Variants in TTC17 observed in about 807,000 individuals in gnomAD.
TTC17 encodes the protein tetratricopeptide repeat domain 17, also known as tetratricopeptide repeat protein 17.
Under a neutral mutation model 143.8 loss-of-function variants are expected in TTC17, and 58 were observed. That is an observed-to-expected ratio of 0.40 (90% CI 0.33 to 0.50). TTC17 has a LOEUF of 0.50. Among genes scored for constraint, TTC17 ranks in the 20% least tolerant of loss-of-function variants. The pLI is 0.49. For synonymous variants in TTC17, 501 were observed against 497.8 expected (o/e 1.01, Z -0.09); for missense variants, 1,273 against 1,392.5 (o/e 0.91, Z 1.37).
At chr11:43,464,047 G>A (rs1017214234) in intron 21 of TTC17, among the ~76,000 whole-genome samples, 6 of 152,104 alleles carry the variant, frequency 3.9e-5, no homozygotes, top group South Asian at 2.1e-4. Context: ...AGGCTGAGGC[G>A]GGTGGATCAC....
chr11:43,370,158 C>T (rs746796640), intron 1 of TTC17: 1 of 446,450 alleles, frequency 2.2e-6, no homozygotes, highest in Admixed American at 2.5e-5. Context: ...CTTCTCTAAA[C>T]CTCAAAGAAG....
chr11:43,407,095 C>A, intron 13 of TTC17, 43 bp from the exon 14 acceptor site: 1 of 1,367,340 alleles, frequency 7.3e-7, no homozygotes, highest in Non-Finnish European at 1.0e-6. Context: ...AAATGTCTTC[C>A]CTGTTATTTT....
chr11:43,427,371 A>G (rs1159384554), intron 16 of TTC17, among the ~76,000 whole-genome samples: 1 of 152,194 alleles, frequency 6.6e-6, no homozygotes, highest in Non-Finnish European at 1.5e-5. Flanking sequence ...TGAATCAGAA[A>G]GATATGTTGT....
intron 21 of TTC17, among the ~76,000 whole-genome samples, chr11:43,482,490 C>G (rs75067522): frequency 0.051 from 7,690 of 151,804 alleles, 389 homozygotes; most frequent in East Asian, 0.28. Context: ...TGGGTGTTTT[C>G]TAGATATCTT....
chr11:43,446,551 G>A (rs1947546743), intron 18 of TTC17: 1 of 642,808 alleles, frequency 1.6e-6, no homozygotes, highest in Non-Finnish European at 1.9e-6. Flanking sequence ...AAGATTTTTT[G>A]TGAAAATTAT....
intron 2 of TTC17, among the ~76,000 whole-genome samples, chr11:43,382,332 G>C (rs1291567177): frequency 6.6e-6 from 1 of 152,136 alleles, no homozygotes; most frequent in African/African-American, 2.4e-5. Flanking sequence ...TTCATAGAAT[G>C]TCTAATGATA....
intron 21 of TTC17, among the ~76,000 whole-genome samples, chr11:43,463,182 G>A (rs897420171): frequency 6.6e-6 from 1 of 152,050 alleles, no homozygotes; most frequent in South Asian, 2.1e-4. Flanking sequence ...ACAAATTGCT[G>A]GGATTACAGC....
At chr11:43,398,138 C>A in intron 8 of TTC17, 25 bp downstream of exon 8, 1 of 1,612,766 alleles carries the variant, frequency 6.2e-7, no homozygotes, top group South Asian at 1.1e-5. Context: ...AAATTTCACT[C>A]AAGCATTAGC....
rs146742671 is a variant in TTC17, at chr11:43,399,966, A to G, written c.1137A>G (p.Leu379=). The change falls in exon 9 of 24, where the codon CTA becomes CTG. Residue 379 remains leucine (L), a synonymous_variant. Coordinates refer to ENST00000039989, the MANE Select transcript of TTC17 (RefSeq NM_018259.6). The part of the protein sequence containing the change: ...HDHYLRQQEI[L]EKHKLIQEEQ... ...ACTACCTGAGACAGCAGGAAATCCT[A>G]GAAAAACATAAACTGATTCAGGAGG... The G allele has an allele frequency of 2.1e-4, 340 of 1,614,062 alleles. 1 individual carries two copies. In the African/African-American group the frequency reaches 3.2e-3, roughly 15 times the overall value.
chr11:43,457,160 A>G (rs1172621162), intron 21 of TTC17, among the ~76,000 whole-genome samples: 3 of 152,092 alleles, frequency 2.0e-5, no homozygotes, highest in African/African-American at 7.2e-5. Flanking sequence ...GATTAGATCT[A>G]GATTAGTTCC....
Position 43,414,572 on chromosome 11 carries a change from A to ATTTTTTTTTTTTTTTT in TTC17, c.2065-9_2065-8insTTTTTTTTTTTTTTTT. ...ATATTAGTTCATTAACATTTTGCCG[A>ATTTTTTTTTTTTTTTT]TTTTTTTTTCTTTTCAGCCTCTGAC... On this transcript the variant is annotated splice_polypyrimidine_tract_variant and intron_variant, in intron 15 of 23. Transcript: ENST00000039989. The ATTTTTTTTTTTTTTTT allele has an allele frequency of 6.4e-7, 1 of 1,573,574 alleles. No homozygotes were observed. Among genetic ancestry groups the ATTTTTTTTTTTTTTTT allele is most frequent in the Non-Finnish European group, 8.6e-7 (1 of 1,159,486 alleles).
At chr11:43,403,885 T>C in intron 10 of TTC17, 113 bp from the exon 11 acceptor site, 2 of 857,436 alleles carry the variant, frequency 2.3e-6, no homozygotes, top group Non-Finnish European at 3.5e-6. Flanking sequence ...TGAGCTACTT[T>C]CTGATTTTCT....
chr11:43,396,957 CA>C (rs11406499), intron 6 of TTC17, 139 bp downstream of exon 6: 35,152 of 327,056 alleles, frequency 0.11, 20 homozygotes, highest in East Asian at 0.15. Flanking sequence ...AGTCCCACCA[CA>C]AAAAAAAAAA....
intron 21 of TTC17, among the ~76,000 whole-genome samples, chr11:43,462,853 A>G (rs1386993183): frequency 1.3e-5 from 2 of 152,060 alleles, no homozygotes; most frequent in Non-Finnish European, 2.9e-5. Flanking sequence ...TAGCAGACCA[A>G]AAACACCACA....
chr11:43,421,985 C>T (rs543442668), intron 16 of TTC17, among the ~76,000 whole-genome samples: 2 of 152,198 alleles, frequency 1.3e-5, no homozygotes, highest in East Asian at 1.9e-4. Flanking sequence ...CCTCTGGTTG[C>T]TCTGTTGAGA....
intron 21 of TTC17, among the ~76,000 whole-genome samples, chr11:43,482,363 A>G (rs750383363): frequency 1.3e-5 from 2 of 151,742 alleles, no homozygotes; most frequent in Non-Finnish European, 2.9e-5. Context: ...TAAATTTATG[A>G]CAAATTTAAC....
chr11:43,464,553 T>G (rs1202498898), intron 21 of TTC17, among the ~76,000 whole-genome samples: 1 of 152,192 alleles, frequency 6.6e-6, no homozygotes, highest in Non-Finnish European at 1.5e-5. Context: ...AACAGTATTT[T>G]CAAATTATAT....
intron 1 of TTC17, among the ~76,000 whole-genome samples, chr11:43,366,742 G>A (rs1014381013): frequency 6.6e-6 from 1 of 152,092 alleles, no homozygotes; most frequent in Admixed American, 6.5e-5. Flanking sequence ...CATATCTTAT[G>A]TGACCTGGCC....
intron 18 of TTC17, chr11:43,444,450 T>A (rs1192714125): frequency 6.6e-6 from 2 of 303,382 alleles, no homozygotes; most frequent in Non-Finnish European, 1.2e-5. Flanking sequence ...GAAGAAAAAT[T>A]AGGTGAATAT....
Sources: gnomAD v4.1 joint callset for allele counts (sites outside exome capture counted in the v4.1 genomes callset) on GRCh38, gnomAD v4.1.1 for gene constraint, MANE v1.5 for transcripts, NCBI Gene and HGNC (gene_info 2026-07-23, HGNC 2026-07-21) for gene names.